ATF7: variants seen among roughly 807,000 people sequenced by gnomAD.
ATF7 encodes activating transcription factor 7.
A neutral mutation model predicts 50.4 loss-of-function variants in ATF7; 10 were observed. The ratio of observed to expected loss-of-function variants is 0.20; its 90% CI spans 0.12 to 0.34. ATF7 has a LOEUF of 0.34. ATF7 is among the 10% of genes least tolerant of loss of function. The pLI, the probability that ATF7 is intolerant of heterozygous loss-of-function variation, is 1.00. For synonymous variants in ATF7, 201 were observed against 226.4 expected (o/e 0.89, Z 1.01); for missense variants, 465 against 613.9 (o/e 0.76, Z 2.56).
chr12:53,538,951 G>A (rs1332533008), intron 4 of ATF7, among the ~76,000 whole-genome samples: 1 of 152,144 alleles, frequency 6.6e-6, no homozygotes, highest in Non-Finnish European at 1.5e-5. Context: ...TCTTAAGTCA[G>A]AGACTAGTGG....
chr12:53,601,721 G>A (rs938408937), intron 1 of ATF7, among the ~76,000 whole-genome samples: 1 of 152,064 alleles, frequency 6.6e-6, no homozygotes, highest in Non-Finnish European at 1.5e-5. Flanking sequence ...AACAAATGTC[G>A]ACTCTTTGGG....
chr12:53,574,677 G>C (rs1941957999), intron 2 of ATF7: 1 of 162,220 alleles, frequency 6.2e-6, no homozygotes. Flanking sequence ...AGAAGGTCAA[G>C]AGACAGAAAA....
At chr12:53,624,143 T>C (rs1276908312) in intron 1 of ATF7, among the ~76,000 whole-genome samples, 3 of 152,224 alleles carry the variant, frequency 2.0e-5, no homozygotes, top group Non-Finnish European at 4.4e-5. Flanking sequence ...TGGGTAATTT[T>C]CTGTACTGCT....
At position 53,516,261 on chromosome 12, in the gene ATF7, G is replaced by T. The variant is rs1452436803; in HGVS notation, c.*876C>A. The T allele has an allele frequency of 1.3e-5, 2 of 152,142 alleles. No individual in the cohort carries two copies. The highest frequency in any genetic ancestry group is 2.4e-5 in the African/African-American group (1 of 41,414). The allele number at this position is 152,142 out of a possible 1,614,324, so 9.4% of individuals were successfully genotyped here. Reference sequence around the variant, plus strand: ...GATGGTTAAACTAAAGAAGGAGGGAGGGGAGGAGACAGAATCAGCCAGTCA... The same window carrying T: ...GATGGTTAAACTAAAGAAGGAGGGATGGGAGGAGACAGAATCAGCCAGTCA... On this transcript the variant is annotated 3_prime_UTR_variant, in exon 12 of 12. Coordinates refer to ENST00000420353, the MANE Select transcript of ATF7 (RefSeq NM_006856.3).
intron 11 of ATF7, chr12:53,523,019 T>G (rs186937922): frequency 4.4e-4 from 165 of 372,870 alleles, no homozygotes; most frequent in African/African-American, 3.2e-3. Context: ...TTGGGAAGAC[T>G]GTAGCATGCC....
At chr12:53,533,303 G>A in intron 6 of ATF7, 44 bp from the exon 7 acceptor site, 2 of 1,463,804 alleles carry the variant, frequency 1.4e-6, no homozygotes, top group African/African-American at 1.4e-5. Flanking sequence ...CAGACCTTTT[G>A]TCCATGGATC....
At chr12:53,599,733 T>C (rs538786463) in intron 2 of ATF7, among the ~76,000 whole-genome samples, 7 of 152,334 alleles carry the variant, frequency 4.6e-5, no homozygotes, top group African/African-American at 1.7e-4. Flanking sequence ...ATATTTACAA[T>C]GTTTAATATA....
Position 53,517,137 on chromosome 12 carries a change from T to A in ATF7, c.1452A>T (p.Ter484CysextTer42). Residue 484 changes from the stop codon to cysteine (C), a stop_lost, in exon 12 of 12, where the codon TGA becomes TGT. Transcript: ENST00000420353. ...GAGGACCTCTCCACCAGAGGAGGCA[T>A]CATCTGCCCGCAGACTGGGACTGTG... The part of the protein sequence containing the change: ...MTPQSQSAGR[*>C] 6.2e-7 allele frequency: 1 copy of A among 1,610,388 alleles called. No homozygotes were observed. Among genetic ancestry groups the A allele is most frequent in the Non-Finnish European group, 8.5e-7 (1 of 1,179,860 alleles).
intron 2 of ATF7, chr12:53,600,684 A>C: frequency 3.1e-6 from 1 of 321,592 alleles, no homozygotes; most frequent in Non-Finnish European, 5.8e-6. Flanking sequence ...CAGCTTTAGA[A>C]AGGAGGAGAC....
chr12:53,541,421 C>A (rs1413797069), intron 4 of ATF7, among the ~76,000 whole-genome samples: 1 of 152,132 alleles, frequency 6.6e-6, no homozygotes, highest in Non-Finnish European at 1.5e-5. Context: ...TGACCAATAA[C>A]CTAGAATTCT....
At chr12:53,533,103 G>T in intron 7 of ATF7, 57 bp downstream of exon 7, 1 of 1,445,122 alleles carries the variant, frequency 6.9e-7, no homozygotes, top group Non-Finnish European at 9.7e-7. Flanking sequence ...GACCATTCAG[G>T]TGGAAGGGAA....
intron 3 of ATF7, among the ~76,000 whole-genome samples, chr12:53,549,577 ATTTT>A (rs963522276): frequency 1.1e-4 from 17 of 151,226 alleles, no homozygotes; most frequent in Non-Finnish European, 2.1e-4. Flanking sequence ...CTAATTTTGT[ATTTT>A]TTTTGTTTGT....
rs1381901323 is a variant in ATF7 at position 53,524,448 on chromosome 12, T to C, written c.1125+116A>G. On this transcript the variant is annotated intron_variant, in intron 10 of 11. Coordinates refer to ENST00000420353, the MANE Select transcript of ATF7 (RefSeq NM_006856.3). The surrounding 1 kb of genome is among the most constrained non-coding windows in gnomAD (Gnocchi z 4.6). ...GTTAAGAGATTCTTCATGGGACAAC[T>C]AGATCTGTCCTAATTAGAGAATTAC... 3.4e-6 allele frequency: 4 copies of C among 1,185,868 alleles called. No homozygotes were observed. The highest frequency in any genetic ancestry group is 2.9e-5 in the South Asian group (2 of 68,876). The allele number at this position is 1,185,868 out of a possible 1,614,324, so 73.5% of individuals were successfully genotyped here.
At position 53,532,572 on chromosome 12, in the gene ATF7, G is replaced by T; in HGVS notation, c.712C>A (p.Pro238Thr). 6.2e-7 allele frequency: 1 copy of T among 1,610,662 alleles called. No individual in the cohort carries two copies. Among genetic ancestry groups the T allele is most frequent in the Non-Finnish European group, 8.5e-7 (1 of 1,178,636 alleles). ...GAAATGGAGCCACTACTGTTAACTG[G>T]TGGGCCAGGGATACCAGGAATGTTG... ...VPNIPGIPGPPVNSSGSISPS... is the reference protein window; with the variant it reads ...VPNIPGIPGPTVNSSGSISPS... Residue 238 changes from proline (P) to threonine (T), a missense_variant, in exon 8 of 12, where the codon CCA becomes ACA. Pro to Thr is a conservative substitution (Grantham distance 38). Coordinates refer to ENST00000420353, the MANE Select transcript of ATF7 (RefSeq NM_006856.3).
In ATF7 at chr12:53,615,089, GA is replaced by G. The variant is rs952486526; in HGVS notation, c.-22+11189del. Among the ~76,000 whole-genome samples, 915 of 133,612 alleles carry G rather than the reference GA, an allele frequency of 6.8e-3. 4 individuals carry two copies. Among genetic ancestry groups the G allele is most frequent in the African/African-American group, 0.023 (845 of 36,542 alleles). 87.7% of individuals were successfully genotyped at this position (133,612 alleles called of 152,430 possible). Reference sequence around the variant, plus strand: ...GGCAAGACGCCATCTCAAAAGAAAAGAAAAAAAAAAAGAGCTGGGTGCGGTG... The same window carrying G: ...GGCAAGACGCCATCTCAAAAGAAAAGAAAAAAAAAAGAGCTGGGTGCGGTG... On this transcript the variant is annotated intron_variant, in intron 1 of 11. Coordinates refer to ENST00000420353, the MANE Select transcript of ATF7 (RefSeq NM_006856.3).
intron 2 of ATF7, 40 bp downstream of exon 2, chr12:53,600,913 C>G: frequency 6.2e-7 from 1 of 1,601,134 alleles, no homozygotes. Flanking sequence ...CACTTTGATT[C>G]ACAACGAGAC....
chr12:53,604,929 GA>G (rs1295154772), intron 1 of ATF7, among the ~76,000 whole-genome samples: 1 of 152,182 alleles, frequency 6.6e-6, no homozygotes, highest in Non-Finnish European at 1.5e-5. Context: ...CATCTGTCAT[GA>G]AAGAAATCAT....
intron 2 of ATF7, among the ~76,000 whole-genome samples, chr12:53,584,762 T>C (rs1481535205): frequency 6.6e-6 from 1 of 152,170 alleles, no homozygotes; most frequent in Non-Finnish European, 1.5e-5. Context: ...AAATGCATAT[T>C]ACTAAATGAA....
chr12:53,555,961 G>T (rs1452654770), intron 2 of ATF7, among the ~76,000 whole-genome samples: 3 of 151,890 alleles, frequency 2.0e-5, no homozygotes, highest in Non-Finnish European at 4.4e-5. Flanking sequence ...GATTACAGGT[G>T]CCTGCTACCA....
Sources: allele counts gnomAD v4.1 joint callset (sites outside exome capture counted in the v4.1 genomes callset), GRCh38; gene constraint gnomAD v4.1.1; non-coding constraint Gnocchi (gnomAD v3.1); transcripts MANE v1.5; gene names NCBI Gene and HGNC (gene_info 2026-07-23, HGNC 2026-07-21).